Variants in RGS6 observed in about 807,000 individuals in gnomAD.
RGS6 encodes the protein regulator of G-protein signaling 6.
Under a neutral mutation model 78.5 loss-of-function variants are expected in RGS6, and 30 were observed. That is an observed-to-expected ratio of 0.38 (90% CI 0.29 to 0.52). RGS6 has a LOEUF of 0.52. Ranked by LOEUF, RGS6 falls within the 20% of genes least tolerant of loss-of-function variation. The pLI is 0.85. For missense variants in RGS6, 495 were observed against 609.7 expected, an observed-to-expected ratio of 0.81 and a Z score of 1.98; for synonymous variants, 206 against 206.0, an observed-to-expected ratio of 1.00 and a Z score of 0.00.
chr14:72,378,814 G>A (rs1229511940), intron 3 of RGS6, among the ~76,000 whole-genome samples: 2 of 152,056 alleles, frequency 1.3e-5, no homozygotes, highest in South Asian at 2.1e-4. Flanking sequence ...ATTTGAAGTA[G>A]AGGAAATTTT....
intron 16 of RGS6, chr14:72,537,839 T>TA (rs1300376228): frequency 1.9e-5 from 6 of 323,052 alleles, no homozygotes; most frequent in Non-Finnish European, 3.4e-5. Flanking sequence ...GAAGAGAAGC[T>TA]AGAGGCCATT....
intron 7 of RGS6, 124 bp downstream of exon 7, chr14:72,465,946 G>A: frequency 3.0e-6 from 2 of 669,270 alleles, no homozygotes; most frequent in South Asian, 4.2e-5. Context: ...TGGAAGGGAA[G>A]TATCTTCTAT....
intron 2 of RGS6, among the ~76,000 whole-genome samples, chr14:72,282,602 C>T (rs966808679): frequency 6.6e-6 from 1 of 152,082 alleles, no homozygotes; most frequent in African/African-American, 2.4e-5. Flanking sequence ...GTTTTAACAG[C>T]TTTTTTGAGG....
chr14:72,216,533 A>G (rs2045613400), intron 2 of RGS6, among the ~76,000 whole-genome samples: 2 of 152,208 alleles, frequency 1.3e-5, no homozygotes, highest in African/African-American at 4.8e-5. Context: ...TAAATGTGAA[A>G]TGTAATAAGG....
chr14:72,233,049 G>A (rs1416033847), intron 2 of RGS6, among the ~76,000 whole-genome samples: 1 of 152,198 alleles, frequency 6.6e-6, no homozygotes, highest in Non-Finnish European at 1.5e-5. Flanking sequence ...TGAAGAAGCT[G>A]TAGCCTGGAA....
At chr14:72,259,633 C>T (rs749899449) in intron 2 of RGS6, among the ~76,000 whole-genome samples, 53 of 152,242 alleles carry the variant, frequency 3.5e-4, no homozygotes, top group Non-Finnish European at 6.9e-4. Flanking sequence ...GAGGGCCGGG[C>T]GCGGTGGCTC....
chr14:72,445,000 G>T (rs2095327394), intron 3 of RGS6, among the ~76,000 whole-genome samples: 1 of 152,114 alleles, frequency 6.6e-6, no homozygotes, highest in Admixed American at 6.5e-5. Flanking sequence ...GCGAGGACAG[G>T]CCAAAAAGGT....
intron 2 of RGS6, among the ~76,000 whole-genome samples, chr14:72,335,780 A>ATG (rs1429867192): frequency 6.6e-6 from 1 of 152,194 alleles, no homozygotes; most frequent in East Asian, 1.9e-4. Flanking sequence ...ATTGGGCCAC[A>ATG]TGTGGCCTGT....
intron 2 of RGS6, among the ~76,000 whole-genome samples, chr14:72,022,119 G>A (rs1596223859): frequency 6.6e-6 from 1 of 152,200 alleles, no homozygotes. Context: ...TATTTTTTAT[G>A]GCTGCATAGT....
At chr14:72,267,756 C>T (rs1305264910) in intron 2 of RGS6, among the ~76,000 whole-genome samples, 1 of 152,222 alleles carries the variant, frequency 6.6e-6, no homozygotes, top group Non-Finnish European at 1.5e-5. Context: ...ATGAAAGACT[C>T]ATTGTTAGAA....
At chr14:72,414,042 G>A (rs1203609331) in intron 3 of RGS6, among the ~76,000 whole-genome samples, 1 of 152,118 alleles carries the variant, frequency 6.6e-6, no homozygotes. Flanking sequence ...TGACAATTAT[G>A]TGTCTTGGAG....
chr14:72,573,128 C>T, the RGS6 span, among the ~76,000 whole-genome samples: 40 of 152,290 alleles, frequency 2.6e-4, no homozygotes, highest in Admixed American at 6.5e-4. Flanking sequence ...TGGTCCATTT[C>T]GGCTGTCTCT....
intron 2 of RGS6, among the ~76,000 whole-genome samples, chr14:72,080,039 T>C (rs1239627937): frequency 6.6e-6 from 1 of 152,140 alleles, no homozygotes; most frequent in Non-Finnish European, 1.5e-5. Flanking sequence ...TCAATTCCTT[T>C]GGGTATATAC....
chr14:72,223,673 T>C (rs762696860), intron 2 of RGS6, among the ~76,000 whole-genome samples: 2 of 152,232 alleles, frequency 1.3e-5, no homozygotes, highest in South Asian at 4.1e-4. Flanking sequence ...ATGAGTCTTA[T>C]TCCAGAGTCA....
intron 1 of RGS6, among the ~76,000 whole-genome samples, chr14:71,947,961 C>G (rs1286126568): frequency 6.6e-6 from 1 of 152,162 alleles, no homozygotes; most frequent in African/African-American, 2.4e-5. Flanking sequence ...AGTCTTCTCT[C>G]TGATGCAGAC....
chr14:72,262,775 G>A (rs2058390667), intron 2 of RGS6, among the ~76,000 whole-genome samples: 1 of 152,184 alleles, frequency 6.6e-6, no homozygotes, highest in South Asian at 2.1e-4. Context: ...AGCAAAAGTG[G>A]ATATTTTTTG....
At chr14:72,488,097 CTTTA>C (rs1432963494) in intron 12 of RGS6, among the ~76,000 whole-genome samples, 2 of 152,110 alleles carry the variant, frequency 1.3e-5, no homozygotes, top group African/African-American at 4.8e-5. Flanking sequence ...AAGCCTCTGA[CTTTA>C]TTTATGTAAC....
At chr14:72,339,657 A>G (rs2152665845) in intron 2 of RGS6, among the ~76,000 whole-genome samples, 1 of 152,300 alleles carries the variant, frequency 6.6e-6, no homozygotes, top group African/African-American at 2.4e-5. Context: ...CCAAGTCTTC[A>G]GATGAGATGA....
chr14:72,034,679 A>C (rs1288374402), intron 2 of RGS6, among the ~76,000 whole-genome samples: 3 of 152,170 alleles, frequency 2.0e-5, no homozygotes, highest in East Asian at 3.9e-4. Flanking sequence ...CCTCAAAAAA[A>C]TGAGTTTGAA....
Sources: gnomAD v4.1 joint callset for allele counts (sites outside exome capture counted in the v4.1 genomes callset) on GRCh38, gnomAD v4.1.1 for gene constraint, MANE v1.5 for transcripts, NCBI Gene and HGNC (gene_info 2026-07-23, HGNC 2026-07-21) for gene names.